Variants in DHX38 observed in about 807,000 individuals in gnomAD.
DHX38 encodes pre-mRNA-splicing factor ATP-dependent RNA helicase PRP16.
Under a neutral mutation model 153.1 loss-of-function variants are expected in DHX38, and 100 were observed. The observed-to-expected ratio is 0.65, with a 90% CI of 0.56 to 0.77. DHX38 has a LOEUF of 0.77. Ranked by LOEUF, DHX38 falls within the 30% of genes least tolerant of loss-of-function variation. DHX38 has a pLI of 0.00. For synonymous variants in DHX38, 650 were observed against 631.7 expected (o/e 1.03, Z -0.43); for missense variants, 1,440 against 1,654.0 (o/e 0.87, Z 2.24).
intron 1 of DHX38, 148 bp from the exon 2 acceptor site, chr16:72,095,991 A>G (rs2042011309): frequency 2.7e-6 from 2 of 749,692 alleles, no homozygotes; most frequent in Non-Finnish European, 4.2e-6. Context: ...CTTGATGGAA[A>G]GGTCTTGGAG....
At chr16:72,111,157 C>G in intron 26 of DHX38, 80 bp downstream of exon 26, 1 of 1,461,212 alleles carries the variant, frequency 6.8e-7, no homozygotes, top group Middle Eastern at 2.5e-4. Context: ...GATGCAGGGT[C>G]AGGATTTATG....
intron 1 of DHX38, among the ~76,000 whole-genome samples, chr16:72,094,786 G>T (rs113909848): frequency 5.3e-5 from 8 of 152,230 alleles, no homozygotes; most frequent in African/African-American, 1.9e-4. Flanking sequence ...TTTATCAAAC[G>T]CTTATTTTGC....
At chr16:72,111,256 C>G (rs1344320483) in intron 26 of DHX38, among the ~76,000 whole-genome samples, 179 bp downstream of exon 26, 1 of 152,248 alleles carries the variant, frequency 6.6e-6, no homozygotes, top group East Asian at 1.9e-4. Flanking sequence ...TTCCTGACAG[C>G]TTTAAAGGAG....
chr16:72,108,426 G>A lies in DHX38; in HGVS notation c.3120+44G>A, dbSNP rs762738759. 14 of 1,613,628 alleles carry A rather than the reference G, an allele frequency of 8.7e-6. No individual in the cohort carries two copies. In the South Asian group the frequency reaches 1.2e-4, roughly 14 times the overall value. On this transcript the variant is annotated intron_variant, in intron 22 of 26. Coordinates refer to ENST00000268482, the MANE Select transcript of DHX38 (RefSeq NM_014003.4). The stretch of plus-strand genomic sequence containing the variant: ...AGGATGTTGGGATGAGGGGAGGGTC[G>A]AGAGGAAAGGAGGGCTCCCTCCTGG...
chr16:72,106,505 G>T (rs2042181031), intron 19 of DHX38, among the ~76,000 whole-genome samples: 1 of 150,166 alleles, frequency 6.7e-6, no homozygotes, highest in South Asian at 2.1e-4. Context: ...CTGGAGTGTG[G>T]TGGTGCAATC....
chr16:72,096,286 T>TC lies in DHX38; in HGVS notation c.133dup (p.Arg45ProfsTer44). The TC allele has an allele frequency of 6.2e-7, 1 of 1,614,156 alleles. No individual in the cohort carries two copies. The highest frequency in any genetic ancestry group is 1.7e-5 in the Admixed American group (1 of 60,022). ...AGCAGCATGTCTTCAAGGCTCCTGC[T>TC]CCCCGCCCTTCATTACTCGGACTGG... On this transcript the variant is annotated frameshift_variant, in exon 2 of 27. Transcript: ENST00000268482. LOFTEE classifies it high-confidence loss of function.
chr16:72,104,187 C>T lies in DHX38; in HGVS notation c.2010+56C>T. On this transcript the variant is annotated intron_variant, in intron 14 of 26. Coordinates refer to ENST00000268482, the MANE Select transcript of DHX38 (RefSeq NM_014003.4). This position sits in a 1 kb window ranked among gnomAD's most constrained non-coding sequence, Gnocchi z 4.5. ...CATGGGGTGTTGACCAGTGCACCAC[C>T]AGTAGCTAGTGGGTTGCTCCAGGTG... 6.3e-7 allele frequency: 1 copy of T among 1,582,452 alleles called. No individual in the cohort carries two copies. Among genetic ancestry groups the T allele is most frequent in the Non-Finnish European group, 8.6e-7 (1 of 1,159,118 alleles).
chr16:72,096,826 T>G lies in DHX38; in HGVS notation c.328T>G (p.Tyr110Asp). ...AGQNIRKDRH[Y>D]RSARVETPSH... ...CAGTTGCTCTCCCTGTTTCAGACAT[T>G]ATCGGTCTGCTCGGGTAGAGACTCC... is the stretch of plus-strand genomic sequence containing the variant. The change falls in exon 3 of 27, where the codon TAT becomes GAT. Residue 110 changes from tyrosine (Y) to aspartate (D), a missense_variant. Tyr to Asp is a radical substitution (Grantham distance 160). Transcript: ENST00000268482. 1 of 1,612,196 alleles carries G rather than the reference T, an allele frequency of 6.2e-7. No individual in the cohort carries two copies. The highest frequency in any genetic ancestry group is 8.5e-7 in the Non-Finnish European group (1 of 1,179,138).
At chr16:72,099,935 G>A (rs367985431) in intron 8 of DHX38, 48 bp downstream of exon 8, 5 of 1,557,468 alleles carry the variant, frequency 3.2e-6, no homozygotes, top group Non-Finnish European at 3.5e-6. Flanking sequence ...TGGAGGTAGA[G>A]CACGTGGGGA....
chr16:72,111,590 A>G (rs2042257177), intron 26 of DHX38, among the ~76,000 whole-genome samples: 1 of 152,232 alleles, frequency 6.6e-6, no homozygotes, highest in Non-Finnish European at 1.5e-5. Flanking sequence ...TTACCATTAT[A>G]GCTTTATTAT....
intron 1 of DHX38, 29 bp from the exon 2 acceptor site, chr16:72,096,110 T>C (rs1461237255): frequency 1.9e-6 from 3 of 1,560,678 alleles, no homozygotes; most frequent in Non-Finnish European, 1.7e-6. Flanking sequence ...GAGCCTTCTC[T>C]AGTACCAAAT....
intron 11 of DHX38, among the ~76,000 whole-genome samples, chr16:72,101,955 A>G (rs573098519): frequency 3.3e-5 from 5 of 152,216 alleles, no homozygotes; most frequent in South Asian, 4.1e-4. Flanking sequence ...ACTCTGCTGA[A>G]GTACCTCCCA....
Position 72,110,966 on chromosome 16 carries a change from G to A in DHX38, c.3488G>A (p.Arg1163His), listed in dbSNP as rs1311736252. ...QAGKSRQENR[R>H]RAKEEASAME... Reference sequence around the variant, plus strand: ...GTCCCTCTTCAATAGGAGAACCGTCGTCGGGCCAAAGAGGAAGCCTCTGCC... The same window carrying A: ...GTCCCTCTTCAATAGGAGAACCGTCATCGGGCCAAAGAGGAAGCCTCTGCC... Residue 1163 changes from arginine to histidine, a missense_variant, in exon 26 of 27, where the codon CGT (arginine) becomes CAT (histidine). Coordinates refer to ENST00000268482, the MANE Select transcript of DHX38 (RefSeq NM_014003.4). 20 of 1,587,758 alleles carry A rather than the reference G, an allele frequency of 1.3e-5. No individual in the cohort carries two copies. The highest frequency in any genetic ancestry group is 2.3e-5 in the East Asian group (1 of 43,780).
chr16:72,112,453 G>T lies in DHX38; in HGVS notation c.3640G>T (p.Glu1214Ter). Residue 1214 changes from glutamate (E) to a stop codon, truncating the protein, a stop_gained, in exon 27 of 27, where the codon GAG (glutamate) becomes TAG (stop). Transcript: ENST00000268482. LOFTEE classifies it high-confidence loss of function. ...CACTCCAGGCCGGAAAGAGCAAGGGGAGCCCATGACCCCTCGCCGCACGCC... is the reference window on the plus strand; with the variant it reads ...CACTCCAGGCCGGAAAGAGCAAGGGTAGCCCATGACCCCTCGCCGCACGCC... ...IYTPGRKEQG[E>*]PMTPRRTPAR... 1 of 1,611,824 alleles carries T rather than the reference G, an allele frequency of 6.2e-7. No homozygotes were observed. Among genetic ancestry groups the T allele is most frequent in the Non-Finnish European group, 8.5e-7 (1 of 1,180,002 alleles).
At chr16:72,102,373 G>A (rs780813952) in intron 11 of DHX38, among the ~76,000 whole-genome samples, 2 of 152,220 alleles carry the variant, frequency 1.3e-5, no homozygotes, top group Non-Finnish European at 1.5e-5. Context: ...AGCATGGGGC[G>A]GCACATCAGA....
At chr16:72,103,567 C>A (rs752576096) in intron 12 of DHX38, 35 bp from the exon 13 acceptor site, 2 of 1,584,638 alleles carry the variant, frequency 1.3e-6, no homozygotes, top group East Asian at 2.3e-5. Flanking sequence ...CCTTCCACTT[C>A]GGCTGATAAG....
At chr16:72,106,689 G>A (rs1332632275) in intron 19 of DHX38, among the ~76,000 whole-genome samples, 2 of 152,154 alleles carry the variant, frequency 1.3e-5, no homozygotes, top group East Asian at 3.9e-4. Flanking sequence ...GGCTTCAAGC[G>A]ATTCTTCTGT....
rs1342233675 is a variant in DHX38, at chr16:72,101,536, C to T, written c.1423C>T (p.Leu475=). Residue 475 remains leucine, a synonymous_variant, in exon 11 of 27, where the codon CTG becomes TTG. Transcript: ENST00000268482. ...HKHWELAGTK[L]GDIMGVKKEE... is the part of the protein sequence containing the mutation. ...ACACTGGGAACTGGCGGGGACCAAA[C>T]TGGGAGATATAATGGGCGTCAAGAA... 5.2e-6 allele frequency: 8 copies of T among 1,552,078 alleles called. No individual in the cohort carries two copies. The highest frequency in any genetic ancestry group is 3.5e-6 in the Non-Finnish European group (4 of 1,147,212).
chr16:72,094,505 A>G (rs763910580), intron 1 of DHX38: 9 of 152,246 alleles, frequency 5.9e-5, no homozygotes, highest in African/African-American at 1.9e-4. Context: ...GAGAACAGCA[A>G]TTGGCTCAGG....
Sources: gnomAD v4.1 joint callset for allele counts (sites outside exome capture counted in the v4.1 genomes callset) on GRCh38, gnomAD v4.1.1 for gene constraint, Gnocchi (gnomAD v3.1) non-coding constraint, MANE v1.5 for transcripts, NCBI Gene and HGNC (gene_info 2026-07-23, HGNC 2026-07-21) for gene names.